Variants in CYFIP1 observed in about 807,000 individuals in gnomAD.
CYFIP1 encodes cytoplasmic FMR1 interacting protein 1, also known as cytoplasmic FMR1-interacting protein 1.
In CYFIP1, 58 loss-of-function variants were observed where a neutral mutation model predicts 163.5. That is an observed-to-expected ratio of 0.35 (90% CI 0.29 to 0.44). The LOEUF is 0.44. Ranked by LOEUF, CYFIP1 falls within the 20% of genes least tolerant of loss-of-function variation. CYFIP1 has a pLI of 1.00. For missense variants in CYFIP1, 1,338 were observed against 1,653.8 expected (o/e 0.81, Z 3.31); for synonymous variants, 663 against 660.7 (o/e 1.00, Z -0.05).
chr15:22,915,849 C>T (rs1460517455), intron 16 of CYFIP1, among the ~76,000 whole-genome samples: 1 of 152,186 alleles, frequency 6.6e-6, no homozygotes, highest in East Asian at 1.9e-4. Context: ...GGAGGTCTGT[C>T]TAACGCAAAA....
At chr15:22,899,720 G>A (rs553972990) in intron 22 of CYFIP1, among the ~76,000 whole-genome samples, 18 of 152,266 alleles carry the variant, frequency 1.2e-4, no homozygotes, top group African/African-American at 3.9e-4. Context: ...TAATACACAT[G>A]CACATGTGGG....
chr15:22,871,571 C>T (rs1184901247), intron 30 of CYFIP1, among the ~76,000 whole-genome samples: 1 of 152,156 alleles, frequency 6.6e-6, no homozygotes, highest in Non-Finnish European at 1.5e-5. Context: ...TGCATTGCCT[C>T]CACTCCACGG....
At chr15:22,876,355 C>T (rs2059584453) in intron 26 of CYFIP1, among the ~76,000 whole-genome samples, 1 of 152,062 alleles carries the variant, frequency 6.6e-6, no homozygotes, top group Non-Finnish European at 1.5e-5. Flanking sequence ...AATGCAGCAT[C>T]ACACTCCATC....
intron 12 of CYFIP1, 136 bp from the exon 13 acceptor site, chr15:22,926,243 C>G (rs2061353601): frequency 3.9e-6 from 5 of 1,271,494 alleles, no homozygotes; most frequent in Non-Finnish European, 5.5e-6. Context: ...CACATGAGGG[C>G]GCACACACCG....
intron 23 of CYFIP1, among the ~76,000 whole-genome samples, chr15:22,890,309 CAAAAAA>C (rs916023349): frequency 1.2e-5 from 1 of 81,520 alleles, no homozygotes. Context: ...GACTCCATCT[CAAAAAA>C]AAAAAAAAAA....
chr15:22,944,982 T>A lies in CYFIP1; in HGVS notation c.208-43A>T, dbSNP rs770401353. 3.2e-6 allele frequency: 5 copies of A among 1,566,186 alleles called. No individual in the cohort carries two copies. In the South Asian group the frequency reaches 4.4e-5, roughly 14 times the overall value. On this transcript the variant is annotated intron_variant, in intron 3 of 30. Transcript: ENST00000617928. ...GCAAATCAAAGGCAGGCGGGGGAAC[T>A]AGCATGAAAAGCAGATGCCAGTTGC...
intron 21 of CYFIP1, 47 bp from the exon 22 acceptor site, chr15:22,903,952 G>T: frequency 6.3e-7 from 1 of 1,579,068 alleles, no homozygotes; most frequent in Non-Finnish European, 8.6e-7. Flanking sequence ...GTCCAGGCAG[G>T]AAGGAGGCGC....
intron 12 of CYFIP1, among the ~76,000 whole-genome samples, chr15:22,926,770 A>G (rs2061369336): frequency 6.6e-6 from 1 of 152,234 alleles, no homozygotes; most frequent in East Asian, 1.9e-4. Context: ...ACAAATGTAC[A>G]GTCTGATATT....
rs116639309 is a variant in CYFIP1 at position 22,918,435 on chromosome 15, G to A, written c.1526+257C>T. On this transcript the variant is annotated intron_variant, in intron 14 of 30. Transcript: ENST00000617928. ...GCACCATGCATGAACCACAGGCACC[G>A]CGAGCCTGGGATAAATGCACCTTGT... Among the ~76,000 whole-genome samples the A allele has an allele frequency of 6.4e-3, 969 of 152,198 alleles. 3 individuals are homozygous for A. The highest frequency in any genetic ancestry group is 0.019 in the African/African-American group (773 of 41,524).
At chr15:22,895,203 A>T (rs1005917056) in intron 22 of CYFIP1, among the ~76,000 whole-genome samples, 2 of 151,950 alleles carry the variant, frequency 1.3e-5, no homozygotes, top group African/African-American at 4.8e-5. Flanking sequence ...TTTAGTAGAG[A>T]TGGGGTTTCA....
At chr15:22,873,208 T>C (rs1002040007) in intron 29 of CYFIP1, among the ~76,000 whole-genome samples, 5 of 152,004 alleles carry the variant, frequency 3.3e-5, no homozygotes. Flanking sequence ...TTAGATCATA[T>C]CCCCTCTGTG....
chr15:22,873,777 G>C (rs769840510), intron 28 of CYFIP1, 48 bp from the exon 29 acceptor site: 8 of 1,469,690 alleles, frequency 5.4e-6, no homozygotes, highest in Admixed American at 5.2e-5. Flanking sequence ...CAGGCATCCA[G>C]CTACTCCACA....
intron 21 of CYFIP1, among the ~76,000 whole-genome samples, chr15:22,908,572 C>T (rs999181552): frequency 1.5e-5 from 2 of 131,312 alleles, no homozygotes; most frequent in Non-Finnish European, 3.1e-5. Context: ...CTCTGTCGCC[C>T]AGGCTGGAGT....
intron 1 of CYFIP1, among the ~76,000 whole-genome samples, chr15:22,969,312 C>T (rs1011779370): frequency 1.3e-5 from 2 of 152,170 alleles, no homozygotes; most frequent in African/African-American, 2.4e-5. Context: ...CAGCCCACGG[C>T]ATGGGCTGTG....
intron 22 of CYFIP1, 124 bp downstream of exon 22, chr15:22,903,582 T>C (rs536846780): frequency 4.9e-6 from 5 of 1,016,448 alleles, no homozygotes; most frequent in South Asian, 2.9e-5. Flanking sequence ...GTGCTCTTCA[T>C]GTGAGAAGTG....
At position 22,917,626 on chromosome 15, in the gene CYFIP1, G is replaced by A; in HGVS notation, c.1674+162C>T. On this transcript the variant is annotated intron_variant, in intron 15 of 30. Coordinates refer to ENST00000617928, the MANE Select transcript of CYFIP1 (RefSeq NM_014608.6). This position sits in a 1 kb window ranked among gnomAD's most constrained non-coding sequence, Gnocchi z 4.2. ...TCTCCTCACGCTCCCAACTCACTTG[G>A]GTGGGAAACAGAGGAGCAGCAGAAA... The A allele has an allele frequency of 1.2e-6, 1 of 860,496 alleles. No individual in the cohort carries two copies. The highest frequency in any genetic ancestry group is 1.7e-6 in the Non-Finnish European group (1 of 586,000). 53.3% of individuals were successfully genotyped at this position (860,496 alleles called of 1,614,324 possible).
chr15:22,961,074 G>A (rs750522484), intron 1 of CYFIP1, among the ~76,000 whole-genome samples: 1 of 152,112 alleles, frequency 6.6e-6, no homozygotes, highest in Admixed American at 6.5e-5. Context: ...AGGCTGGAGT[G>A]CAAGTGGCAT....
chr15:22,936,526 G>A (rs1168034869), intron 9 of CYFIP1, among the ~76,000 whole-genome samples: 2 of 152,080 alleles, frequency 1.3e-5, no homozygotes, highest in South Asian at 2.1e-4. Context: ...TGGCACCAGC[G>A]GCGCATTCTC....
chr15:22,951,046 G>A (rs2062232287), intron 1 of CYFIP1, among the ~76,000 whole-genome samples: 1 of 152,178 alleles, frequency 6.6e-6, no homozygotes. Flanking sequence ...ACTACGCAGG[G>A]TTCAGTACAG....
Sources: gnomAD v4.1 joint callset for allele counts (sites outside exome capture counted in the v4.1 genomes callset) on GRCh38, gnomAD v4.1.1 for gene constraint, Gnocchi (gnomAD v3.1) non-coding constraint, MANE v1.5 for transcripts, NCBI Gene and HGNC (gene_info 2026-07-23, HGNC 2026-07-21) for gene names.